Variants in SIGLEC15 observed in about 807,000 individuals in gnomAD.
SIGLEC15 encodes sialic acid-binding Ig-like lectin 15.
A neutral mutation model predicts 26.2 loss-of-function variants in SIGLEC15; 31 were observed. The observed-to-expected ratio is 1.18, with a 90% CI of 0.89 to 1.60. SIGLEC15 has a LOEUF of 1.60. Among genes scored for constraint, SIGLEC15 ranks in the 40% most tolerant of loss-of-function variants. The pLI is 0.00. For missense variants in SIGLEC15, 501 were observed against 488.4 expected (o/e 1.03, Z -0.24); for synonymous variants, 207 against 221.9 (o/e 0.93, Z 0.60).
chr18:45,830,555 G>A (rs1599388413), intron 1 of SIGLEC15, among the ~76,000 whole-genome samples: 1 of 141,972 alleles, frequency 7.0e-6, no homozygotes, highest in East Asian at 2.1e-4. Flanking sequence ...AAAGTCCTTT[G>A]ATTTATTTTA....
At chr18:45,834,480 C>T (rs140280984) in intron 1 of SIGLEC15, among the ~76,000 whole-genome samples, 2 of 152,284 alleles carry the variant, frequency 1.3e-5, no homozygotes, top group Non-Finnish European at 2.9e-5. Context: ...TCAGGGAAGC[C>T]CCCTGCTGTA....
At chr18:45,837,004 C>G (rs747953548) in intron 1 of SIGLEC15, 25 bp from the exon 2 acceptor site, 1 of 1,167,686 alleles carries the variant, frequency 8.6e-7, no homozygotes, top group Non-Finnish European at 1.3e-6. Flanking sequence ...ACGTGTAACC[C>G]GGGGTTAACT....
intron 1 of SIGLEC15, among the ~76,000 whole-genome samples, chr18:45,826,980 T>C (rs754735900): frequency 6.6e-6 from 1 of 152,178 alleles, no homozygotes; most frequent in Non-Finnish European, 1.5e-5. Context: ...AGTGGCGCAA[T>C]CTCAGCTCAC....
intron 1 of SIGLEC15, among the ~76,000 whole-genome samples, chr18:45,827,407 A>G (rs1028213142): frequency 5.9e-5 from 9 of 152,144 alleles, no homozygotes; most frequent in African/African-American, 2.2e-4. Context: ...GGAAGGAGCT[A>G]TCTTTTCCCA....
chr18:45,829,068 G>T, intron 1 of SIGLEC15: 1 of 985,468 alleles, frequency 1.0e-6, no homozygotes, highest in Non-Finnish European at 1.2e-6. Flanking sequence ...GGCTGGGCAG[G>T]GGGTGGGGGC....
chr18:45,840,555 G>A (rs953933297), intron 5 of SIGLEC15, among the ~76,000 whole-genome samples: 8 of 152,254 alleles, frequency 5.3e-5, no homozygotes, highest in African/African-American at 9.6e-5. Context: ...ACTCATCCCC[G>A]TTCCCCCCTG....
chr18:45,839,516 G>A (rs562672166), intron 4 of SIGLEC15, among the ~76,000 whole-genome samples: 1 of 152,132 alleles, frequency 6.6e-6, no homozygotes, highest in African/African-American at 2.4e-5. Flanking sequence ...ATGGTCCCCT[G>A]CCCTGCAGTG....
At chr18:45,838,474 G>A in intron 3 of SIGLEC15, 1 of 565,210 alleles carries the variant, frequency 1.8e-6, no homozygotes, top group Non-Finnish European at 3.0e-6. Flanking sequence ...GCATGAATTT[G>A]CCAAATCTTT....
In SIGLEC15 at chr18:45,842,288, C is replaced by T; in HGVS notation, c.*101C>T. The T allele has an allele frequency of 7.5e-7, 1 of 1,337,380 alleles. No individual in the cohort carries two copies. The allele number at this position is 1,337,380 out of a possible 1,614,324, so 82.8% of individuals were successfully genotyped here. A position where few individuals can be genotyped will look rare whatever the true frequency, so the allele number is the denominator to read the frequency against. ...CAGTCCTGGTTCTCGGGCACCTTGG[C>T]AGCCCCCAGCTGGGTGGCTCCTCCC... On this transcript the variant is annotated 3_prime_UTR_variant, in exon 6 of 6. Coordinates refer to ENST00000389474, the MANE Select transcript of SIGLEC15 (RefSeq NM_213602.3).
In SIGLEC15 at chr18:45,842,451, G is replaced by C. The variant is rs2048333745; in HGVS notation, c.*264G>C. Reference sequence around the variant, plus strand: ...TGTGTGTGTGTGTGTGTGAGAGAGAGAGAGAGAGAGTACACGCATTAGCTT... The same window carrying C: ...TGTGTGTGTGTGTGTGTGAGAGAGACAGAGAGAGAGTACACGCATTAGCTT... On this transcript the variant is annotated 3_prime_UTR_variant, in exon 6 of 6. Coordinates refer to ENST00000389474, the MANE Select transcript of SIGLEC15 (RefSeq NM_213602.3). The C allele has an allele frequency of 8.3e-6, 4 of 481,152 alleles. No homozygotes were observed. In the South Asian group the frequency reaches 8.7e-5, roughly 10 times the overall value. 29.8% of individuals were successfully genotyped at this position (481,152 alleles called of 1,614,324 possible).
rs1030878294 is a variant in SIGLEC15, at chr18:45,838,832, T to C, written c.611T>C (p.Leu204Pro). The C allele has an allele frequency of 1.7e-5, 26 of 1,567,134 alleles. No homozygotes were observed. Among genetic ancestry groups the C allele is most frequent in the Non-Finnish European group, 2.1e-5 (24 of 1,162,572 alleles). Residue 204 changes from leucine (L) to proline (P), a missense_variant, in exon 4 of 6, where the codon CTG becomes CCG. Coordinates refer to ENST00000389474, the MANE Select transcript of SIGLEC15 (RefSeq NM_213602.3). ...PPALAWSGPALGNSLAAVRSP... is the reference protein window; with the variant it reads ...PPALAWSGPAPGNSLAAVRSP... ...GCCCTCGCCTGGTCCGGCCCGGCCC[T>C]GGGCAACAGCTTGGCAGCCGTGCGG...
intron 1 of SIGLEC15, among the ~76,000 whole-genome samples, chr18:45,831,914 T>G (rs761699473): frequency 1.8e-4 from 28 of 152,172 alleles, no homozygotes; most frequent in South Asian, 6.2e-4. Context: ...ATTTTTGTGT[T>G]TTTAGTAGAG....
At chr18:45,836,610 A>G (rs1184662136) in intron 1 of SIGLEC15, among the ~76,000 whole-genome samples, 1 of 152,196 alleles carries the variant, frequency 6.6e-6, no homozygotes, top group African/African-American at 2.4e-5. Flanking sequence ...CATGGTTCAC[A>G]AGGTGGGGAA....
chr18:45,838,611 A>C, intron 3 of SIGLEC15, 107 bp from the exon 4 acceptor site: 1 of 1,382,216 alleles, frequency 7.2e-7, no homozygotes, highest in Non-Finnish European at 9.4e-7. Context: ...CTGGCACCCA[A>C]GTGCCCATTC....
At position 45,842,054 on chromosome 18, in the gene SIGLEC15, T is replaced by C; in HGVS notation, c.906-52T>C. ...CACTGCTGGCATATAGTTTGGGCAG[T>C]TGTGGACCTCCCACCTGTTTGGATG... On this transcript the variant is annotated intron_variant, in intron 5 of 5. Transcript: ENST00000389474. 4 of 1,565,042 alleles carry C rather than the reference T, an allele frequency of 2.6e-6. No homozygotes were observed. The East Asian group carries it at 6.7e-5, about 26-fold the overall frequency.
At chr18:45,840,355 C>T in intron 5 of SIGLEC15, 114 bp downstream of exon 5, 1 of 1,237,020 alleles carries the variant, frequency 8.1e-7, no homozygotes, top group African/African-American at 1.5e-5. Flanking sequence ...TGGGGTCCTA[C>T]TTTGACCAGG....
rs1457362295 is a variant in SIGLEC15 at position 45,842,244 on chromosome 18, G to T, written c.*57G>T. ...CACTGTAAAGAACAAAGGCCAGTGCGAGGCTTGGCTGGCACAGCCAGTCCT... is the reference window on the plus strand; with the variant it reads ...CACTGTAAAGAACAAAGGCCAGTGCTAGGCTTGGCTGGCACAGCCAGTCCT... On this transcript the variant is annotated 3_prime_UTR_variant, in exon 6 of 6. Coordinates refer to ENST00000389474, the MANE Select transcript of SIGLEC15 (RefSeq NM_213602.3). 6.3e-7 allele frequency: 1 copy of T among 1,585,434 alleles called. No individual in the cohort carries two copies. The highest frequency in any genetic ancestry group is 8.7e-7 in the Non-Finnish European group (1 of 1,154,030).
intron 2 of SIGLEC15, 74 bp from the exon 3 acceptor site, chr18:45,837,439 G>A: frequency 7.1e-7 from 1 of 1,410,596 alleles, no homozygotes; most frequent in Non-Finnish European, 9.2e-7. Flanking sequence ...CCTGGGTCGT[G>A]GGGTTTCCAG....
chr18:45,842,547 G>A lies in SIGLEC15; in HGVS notation c.*360G>A. 4.4e-6 allele frequency: 1 copy of A among 226,646 alleles called. No homozygotes were observed. The highest frequency in any genetic ancestry group is 8.9e-6 in the Non-Finnish European group (1 of 112,976). The allele number at this position is 226,646 out of a possible 1,614,324, so 14.0% of individuals were successfully genotyped here. A position where few individuals can be genotyped will look rare whatever the true frequency, so the allele number is the denominator to read the frequency against. On this transcript the variant is annotated 3_prime_UTR_variant, in exon 6 of 6. Coordinates refer to ENST00000389474, the MANE Select transcript of SIGLEC15 (RefSeq NM_213602.3). ...AACACCTGCTATAGTAAAGCAGACA[G>A]GAAACTGTTTACAGGGCCTGGAGGC...
Sources: allele counts gnomAD v4.1 joint callset (sites outside exome capture counted in the v4.1 genomes callset), GRCh38; gene constraint gnomAD v4.1.1; transcripts MANE v1.5; gene names NCBI Gene and HGNC (gene_info 2026-07-23, HGNC 2026-07-21).